The following PDE4D variants were observed in gnomAD, a reference collection of about 807,000 sequenced individuals.
The protein encoded by PDE4D is 3',5'-cyclic-AMP phosphodiesterase 4D.
In PDE4D, 24 loss-of-function variants were observed where a neutral mutation model predicts 87.4. The ratio of observed to expected loss-of-function variants is 0.27; its 90% CI spans 0.20 to 0.39. PDE4D has a LOEUF of 0.39. PDE4D is among the 10% of genes least tolerant of loss of function. PDE4D has a pLI of 1.00. For synonymous variants in PDE4D, 384 were observed against 383.2 expected (o/e 1.00, Z -0.02); for missense variants, 714 against 1,041.0 (o/e 0.69, Z 4.32).
At chr5:59,841,956 G>A (rs1267542108) in intron 1 of PDE4D, among the ~76,000 whole-genome samples, 1 of 151,972 alleles carries the variant, frequency 6.6e-6, no homozygotes, top group Non-Finnish European at 1.5e-5. Context: ...GAATCTGGAG[G>A]GATAAGTAGG....
At chr5:59,199,844 GTATA>G (rs1746348637) in intron 2 of PDE4D, among the ~76,000 whole-genome samples, 1 of 151,504 alleles carries the variant, frequency 6.6e-6, no homozygotes, top group African/African-American at 2.4e-5. Flanking sequence ...ATGTGTATAT[GTATA>G]TATACATACA....
chr5:59,784,372 TG>T (rs1252175227), intron 1 of PDE4D, among the ~76,000 whole-genome samples: 1 of 151,938 alleles, frequency 6.6e-6, no homozygotes, highest in Non-Finnish European at 1.5e-5. Context: ...ATAGGCAGAA[TG>T]GGTTCAAATT....
At chr5:59,269,202 A>G (rs1021160661) in intron 1 of PDE4D, among the ~76,000 whole-genome samples, 2 of 152,140 alleles carry the variant, frequency 1.3e-5, no homozygotes, top group African/African-American at 4.8e-5. Context: ...CCATTTTGAA[A>G]TACCAAAAGA....
At chr5:59,181,541 C>CATATATATATA (rs61135815) in intron 4 of PDE4D, among the ~76,000 whole-genome samples, 1,748 of 60,548 alleles carry the variant, frequency 0.029, 45 homozygotes, top group Middle Eastern at 0.038. Flanking sequence ...TCAAAGATGT[C>CATATATATATA]TGATATATAT....
At chr5:59,470,847 G>T (rs997978587) in intron 1 of PDE4D, among the ~76,000 whole-genome samples, 1 of 151,982 alleles carries the variant, frequency 6.6e-6, no homozygotes. Context: ...TTCCTAAGGT[G>T]CTCCACTATT....
chr5:60,498,732 T>C (rs1386581545), intron 1 of PDE4D, among the ~76,000 whole-genome samples: 2 of 152,224 alleles, frequency 1.3e-5, no homozygotes, highest in Non-Finnish European at 2.9e-5. Flanking sequence ...GCTTGTTTTT[T>C]TTAATCTTGT....
chr5:60,009,539 T>C (rs1349578455), intron 2 of PDE4D, among the ~76,000 whole-genome samples: 8 of 151,660 alleles, frequency 5.3e-5, no homozygotes, highest in Admixed American at 4.6e-4. Flanking sequence ...ATATAGAATG[T>C]TAGCGTCATG....
At chr5:59,495,387 T>A (rs1806992221) in intron 1 of PDE4D, among the ~76,000 whole-genome samples, 1 of 152,214 alleles carries the variant, frequency 6.6e-6, no homozygotes, top group Non-Finnish European at 1.5e-5. Flanking sequence ...AGTTTCTTAG[T>A]GAAATTATCA....
intron 3 of PDE4D, among the ~76,000 whole-genome samples, chr5:59,944,056 A>C (rs908424604): frequency 6.6e-6 from 1 of 152,184 alleles, no homozygotes; most frequent in Non-Finnish European, 1.5e-5. Context: ...GCACAAACAG[A>C]TCCTTAAAGT....
chr5:59,971,284 C>T (rs1760727206), intron 3 of PDE4D, among the ~76,000 whole-genome samples: 1 of 150,694 alleles, frequency 6.6e-6, no homozygotes, highest in Admixed American at 6.6e-5. Flanking sequence ...GTGCAGCGCA[C>T]CAGCATGGCA....
chr5:60,021,222 T>C (rs1766031345), intron 2 of PDE4D: 2 of 152,268 alleles, frequency 1.3e-5, no homozygotes, highest in East Asian at 3.9e-4. Context: ...GATTCAGGAA[T>C]GCAGTCATTG....
chr5:60,432,058 C>T (rs1204247254), intron 1 of PDE4D, among the ~76,000 whole-genome samples: 1 of 151,138 alleles, frequency 6.6e-6, no homozygotes, highest in Admixed American at 6.6e-5. Flanking sequence ...AGAGGGAGAC[C>T]GTGGAAAGAG....
chr5:59,620,959 A>G (rs1203827198), intron 1 of PDE4D, among the ~76,000 whole-genome samples: 1 of 152,182 alleles, frequency 6.6e-6, no homozygotes. Context: ...TTGTATTGTC[A>G]GACTTCTTTC....
intron 1 of PDE4D, among the ~76,000 whole-genome samples, chr5:60,370,959 C>A (rs1255853144): frequency 6.6e-6 from 1 of 152,192 alleles, no homozygotes; most frequent in Admixed American, 6.5e-5. Flanking sequence ...TATCATCAAC[C>A]TGCTGCATTT....
intron 5 of PDE4D, among the ~76,000 whole-genome samples, chr5:59,072,301 G>A (rs942314426): frequency 1.3e-5 from 2 of 152,018 alleles, no homozygotes; most frequent in African/African-American, 4.8e-5. Flanking sequence ...GCTGACTAGG[G>A]GAAGAAGGTT....
intron 1 of PDE4D, among the ~76,000 whole-genome samples, chr5:60,494,496 T>C (rs1486494715): frequency 1.3e-5 from 2 of 152,190 alleles, no homozygotes; most frequent in African/African-American, 2.4e-5. Flanking sequence ...GAAAACAATG[T>C]ATTCTGGAGG....
chr5:60,311,317 C>T (rs765994351), intron 1 of PDE4D, among the ~76,000 whole-genome samples: 6 of 152,216 alleles, frequency 3.9e-5, no homozygotes, highest in African/African-American at 4.8e-5. Flanking sequence ...CCACCGCGCC[C>T]GGCTGGCAAG....
At chr5:60,215,476 A>G (rs1743758375) in intron 1 of PDE4D, among the ~76,000 whole-genome samples, 1 of 152,150 alleles carries the variant, frequency 6.6e-6, no homozygotes, top group Admixed American at 6.5e-5. Flanking sequence ...AAGCAAATCA[A>G]AATTGCAAAA....
chr5:59,520,079 T>C (rs1203693101), intron 1 of PDE4D, among the ~76,000 whole-genome samples: 2 of 152,090 alleles, frequency 1.3e-5, no homozygotes, highest in Non-Finnish European at 2.9e-5. Flanking sequence ...CTGGCCAACA[T>C]GGTAAACCTC....
Sources: gnomAD v4.1 joint callset for allele counts (sites outside exome capture counted in the v4.1 genomes callset) on GRCh38, gnomAD v4.1.1 for gene constraint, MANE v1.5 for transcripts, NCBI Gene and HGNC (gene_info 2026-07-23, HGNC 2026-07-21) for gene names.